RPF2: variants seen among roughly 807,000 people sequenced by gnomAD.
RPF2 encodes ribosome production factor 2 homolog.
In RPF2, 21 loss-of-function variants were observed where a neutral mutation model predicts 38.9. That is an observed-to-expected ratio of 0.54 (90% CI 0.38 to 0.78). RPF2 has a LOEUF of 0.78. RPF2 is among the 30% of genes least tolerant of loss of function. RPF2 has a pLI of 0.00. For missense variants in RPF2, 314 were observed against 358.1 expected (o/e 0.88, Z 0.99); for synonymous variants, 121 against 126.2 (o/e 0.96, Z 0.28).
At chr6:111,015,360 T>A (rs1033038831) in intron 7 of RPF2, among the ~76,000 whole-genome samples, 2 of 152,230 alleles carry the variant, frequency 1.3e-5, no homozygotes, top group Non-Finnish European at 2.9e-5. Flanking sequence ...AAAAAAAAAT[T>A]AAGGCTAATT....
intron 3 of RPF2, among the ~76,000 whole-genome samples, chr6:110,989,467 C>G (rs1186090894): frequency 3.3e-5 from 5 of 151,996 alleles, no homozygotes; most frequent in Admixed American, 1.3e-4. Flanking sequence ...TTTTTTCCTT[C>G]TTTTGAGACG....
At chr6:111,024,371 A>G in intron 9 of RPF2, 44 bp downstream of exon 9, 1 of 1,538,526 alleles carries the variant, frequency 6.5e-7, no homozygotes, top group Middle Eastern at 2.1e-4. Context: ...TGTATTTTCT[A>G]CTTTAATCCT....
At chr6:111,019,565 C>T (rs931373638) in intron 8 of RPF2, among the ~76,000 whole-genome samples, 8 of 151,988 alleles carry the variant, frequency 5.3e-5, no homozygotes, top group East Asian at 1.9e-4. Context: ...GGCATAACAC[C>T]GTCGCTACTA....
chr6:111,025,526 G>T lies in RPF2; in HGVS notation c.865G>T (p.Ala289Ser), dbSNP rs780232771. 1.9e-6 allele frequency: 3 copies of T among 1,613,328 alleles called. No homozygotes were observed. In the South Asian group the frequency reaches 3.3e-5, roughly 18 times the overall value. ...RKMKGLKKRP[A>S]ERITEDHEKK... ...AATGAAGGGGTTGAAGAAGCGACCT[G>T]CAGAAAGGATAACAGAAGACCACGA... Residue 289 changes from alanine to serine, a missense_variant, in exon 10 of 10, where the codon GCA becomes TCA. Ala to Ser is a moderately conservative substitution (Grantham distance 99). Coordinates refer to ENST00000441448, the MANE Select transcript of RPF2 (RefSeq NM_032194.3).
rs1771569149 is a variant in RPF2, at chr6:110,988,863, A to G, written c.157-165A>G. 4.2e-5 allele frequency: 35 copies of G among 831,300 alleles called. No individual in the cohort carries two copies. The South Asian group carries it at 6.5e-4, about 15-fold the overall frequency. 51.5% of individuals were successfully genotyped at this position (831,300 alleles called of 1,614,324 possible). On this transcript the variant is annotated intron_variant, in intron 2 of 9. Coordinates refer to ENST00000441448, the MANE Select transcript of RPF2 (RefSeq NM_032194.3). ...AGTCTAGTCCAAGAATATTAAGCTT[A>G]CATTTCAAGTTACTGTAAGTGATGA...
At chr6:111,003,879 C>A (rs1045631129) in intron 6 of RPF2, among the ~76,000 whole-genome samples, 6 of 152,048 alleles carry the variant, frequency 3.9e-5, no homozygotes, top group African/African-American at 1.4e-4. Context: ...ATGGCGTGAT[C>A]TCGGCTCACT....
chr6:111,014,647 A>G (rs1457666673), intron 7 of RPF2, among the ~76,000 whole-genome samples: 2 of 152,218 alleles, frequency 1.3e-5, no homozygotes, highest in South Asian at 2.1e-4. Flanking sequence ...AAACTTTTAT[A>G]TAGACCTTTT....
At chr6:110,985,597 CTG>C (rs1378843619) in intron 2 of RPF2, among the ~76,000 whole-genome samples, 1 of 152,122 alleles carries the variant, frequency 6.6e-6, no homozygotes, top group African/African-American at 2.4e-5. Flanking sequence ...AGTTCTTACA[CTG>C]TGCTGTGCTG....
chr6:111,009,346 G>A (rs369256590), intron 7 of RPF2, among the ~76,000 whole-genome samples: 8 of 151,920 alleles, frequency 5.3e-5, no homozygotes, highest in Admixed American at 2.6e-4. Context: ...GAGCCACTGC[G>A]CCAGGCCTAA....
In RPF2 at chr6:111,028,037, A is replaced by C. The variant is rs1772364838; in HGVS notation, c.*2455A>C. The stretch of plus-strand genomic sequence containing the variant: ...AATGTTGGGTTTTGGTAGATGAGGA[A>C]AGCATTTTGGTTATTTGTTTTGTTT... On this transcript the variant is annotated 3_prime_UTR_variant, in exon 10 of 10. Coordinates refer to ENST00000441448, the MANE Select transcript of RPF2 (RefSeq NM_032194.3). The C allele has an allele frequency of 6.6e-6, 1 of 152,302 alleles. No individual in the cohort carries two copies. Among genetic ancestry groups the C allele is most frequent in the South Asian group, 2.1e-4 (1 of 4,820 alleles). The allele number at this position is 152,302 out of a possible 1,614,324, so 9.4% of individuals were successfully genotyped here. A position where few individuals can be genotyped will look rare whatever the true frequency, so the allele number is the denominator to read the frequency against.
At chr6:111,019,592 T>A (rs560376861) in intron 8 of RPF2, among the ~76,000 whole-genome samples, 3 of 151,668 alleles carry the variant, frequency 2.0e-5, no homozygotes, top group African/African-American at 7.3e-5. Context: ...CAAAAATTGG[T>A]CAGGCATGGT....
intron 5 of RPF2, among the ~76,000 whole-genome samples, chr6:110,997,677 C>G (rs988853836): frequency 3.9e-5 from 6 of 152,110 alleles, no homozygotes; most frequent in African/African-American, 1.4e-4. Flanking sequence ...GATGGCGCCA[C>G]TGTACTCCAG....
chr6:110,988,076 T>C (rs972590770), intron 2 of RPF2, among the ~76,000 whole-genome samples: 1 of 151,948 alleles, frequency 6.6e-6, no homozygotes, highest in Non-Finnish European at 1.5e-5. Flanking sequence ...TAGCTGGGCG[T>C]GGTGCATGTG....
At position 110,985,032 on chromosome 6, in the gene RPF2, G is replaced by A. The variant is rs1771501116; in HGVS notation, c.50G>A (p.Arg17Lys). 1.2e-6 allele frequency: 2 copies of A among 1,612,180 alleles called. No individual in the cohort carries two copies. The change falls in exon 2 of 10, where the codon AGA becomes AAA. Residue 17 changes from arginine (R) to lysine (K), a missense_variant. Physicochemically the swap from Arg to Lys is conservative, Grantham distance 26. Transcript: ENST00000441448. ...AAGCCCAAAACGAAAAGAGCCAAGA[G>A]ATTCCTTGAGAAGAGAGAACCGAAA... is the stretch of plus-strand genomic sequence containing the variant. The part of the protein sequence containing the change: ...VVKPKTKRAK[R>K]FLEKREPKLN...
chr6:111,008,451 A>AG (rs1771955556), intron 7 of RPF2, among the ~76,000 whole-genome samples: 1 of 151,614 alleles, frequency 6.6e-6, no homozygotes, highest in Non-Finnish European at 1.5e-5. Context: ...GCACCTAAGT[A>AG]TCTCGGGAGA....
At chr6:110,997,652 G>T (rs1222387525) in intron 5 of RPF2, among the ~76,000 whole-genome samples, 1 of 152,028 alleles carries the variant, frequency 6.6e-6, no homozygotes, top group Admixed American at 6.6e-5. Flanking sequence ...AGGCATGGAG[G>T]TAGCAGTGAG....
rs1278083051 is a variant in RPF2 at position 111,026,210 on chromosome 6, G to C, written c.*628G>C. 2 of 152,246 alleles carry C rather than the reference G, an allele frequency of 1.3e-5. No individual in the cohort carries two copies. The highest frequency in any genetic ancestry group is 2.9e-5 in the Non-Finnish European group (2 of 68,156). 9.4% of individuals were successfully genotyped at this position (152,246 alleles called of 1,614,324 possible). On this transcript the variant is annotated 3_prime_UTR_variant, in exon 10 of 10. Coordinates refer to ENST00000441448, the MANE Select transcript of RPF2 (RefSeq NM_032194.3). ...TCTGAGACGAAACCTGTGTTTTTTG[G>C]TTGGTTTGTTTTTAAGAGATGGGGT...
chr6:110,985,177 C>G, intron 2 of RPF2, 39 bp downstream of exon 2: 1 of 1,540,462 alleles, frequency 6.5e-7, no homozygotes, highest in Non-Finnish European at 8.8e-7. Context: ...GTATTGAAGT[C>G]ATTTTAGAAT....
At chr6:111,022,361 A>G (rs1367741207) in intron 8 of RPF2, among the ~76,000 whole-genome samples, 1 of 152,262 alleles carries the variant, frequency 6.6e-6, no homozygotes, top group Non-Finnish European at 1.5e-5. Context: ...CAGTTAGCAT[A>G]TCTACCAGCT....
Sources: allele counts gnomAD v4.1 joint callset (sites outside exome capture counted in the v4.1 genomes callset), GRCh38; gene constraint gnomAD v4.1.1; transcripts MANE v1.5; gene names NCBI Gene and HGNC (gene_info 2026-07-23, HGNC 2026-07-21).